Variants in NAAA observed in about 807,000 individuals in gnomAD.
NAAA encodes the protein N-acylethanolamine-hydrolyzing acid amidase.
In NAAA, 39 loss-of-function variants were observed where a neutral mutation model predicts 44.8. The observed-to-expected ratio is 0.87, with a 90% CI of 0.67 to 1.14. The LOEUF is 1.14. NAAA is among the 50% of genes most tolerant of loss of function. The pLI is 0.00. For synonymous variants in NAAA, 178 were observed against 191.3 expected (o/e 0.93, Z 0.58); for missense variants, 460 against 467.8 (o/e 0.98, Z 0.15).
chr4:75,913,638 G>A, downstream of NAAA: 2 of 966,056 alleles, frequency 2.1e-6, no homozygotes, highest in Non-Finnish European at 2.5e-6. Flanking sequence ...GGTAAAGAAA[G>A]CAGGGAGAGC....
intron 3 of NAAA, among the ~76,000 whole-genome samples, chr4:75,932,230 AAAAAT>A (rs1238622066): frequency 1.4e-4 from 21 of 152,354 alleles, no homozygotes; most frequent in East Asian, 3.9e-4. Context: ...ACTCTGTCTC[AAAAAT>A]AAAATAAAAT....
intron 1 of NAAA, 140 bp from the exon 2 acceptor site, chr4:75,940,305 G>T: frequency 1.1e-6 from 1 of 901,936 alleles, no homozygotes; most frequent in Non-Finnish European, 1.6e-6. Flanking sequence ...CCGCCCAGGC[G>T]CGGCGTCACT....
At chr4:75,915,204 T>G (rs1258816442) in intron 9 of NAAA, among the ~76,000 whole-genome samples, 1 of 152,076 alleles carries the variant, frequency 6.6e-6, no homozygotes, top group Non-Finnish European at 1.5e-5. Flanking sequence ...TCAGACTTAA[T>G]TAGCTGGGTG....
At chr4:75,917,228 T>A in intron 9 of NAAA, 2 of 316,566 alleles carry the variant, frequency 6.3e-6, no homozygotes, top group Non-Finnish European at 9.1e-6. Flanking sequence ...AGCTAGCTCC[T>A]ACAGTCTGGT....
At chr4:75,917,778 A>T (rs1380347233) in intron 9 of NAAA, 4 of 116,420 alleles carry the variant, frequency 3.4e-5, no homozygotes, top group Admixed American at 1.4e-4. Flanking sequence ...CTTTCACTTA[A>T]AAAAAAAAAA....
chr4:75,923,962 T>C (rs1177547958), intron 5 of NAAA, among the ~76,000 whole-genome samples: 2 of 152,236 alleles, frequency 1.3e-5, no homozygotes. Context: ...TCATGCCCTA[T>C]GCAAATGGTA....
chr4:75,913,128 G>A (rs1404982503), downstream of NAAA, among the ~76,000 whole-genome samples: 2 of 151,054 alleles, frequency 1.3e-5, no homozygotes, highest in Non-Finnish European at 2.9e-5. Flanking sequence ...TTTATCTTAT[G>A]TAAAATGTAG....
At position 75,936,116 on chromosome 4, in the gene NAAA, T is replaced by C. The variant is rs758407369; in HGVS notation, c.491A>G (p.Asn164Ser). The C allele has an allele frequency of 4.3e-6, 7 of 1,614,090 alleles. No homozygotes were observed. The South Asian group carries it at 6.6e-5, about 15-fold the overall frequency. ...KLTVDVQFLK[N>S]GQIAFTGTTF... Reference sequence around the variant, plus strand: ...ATATGGTACGGATTATACCTGCCCATTCTTTAAGAATTGCACATCCACTGT... The same window carrying C: ...ATATGGTACGGATTATACCTGCCCACTCTTTAAGAATTGCACATCCACTGT... Residue 164 changes from asparagine (N) to serine (S), a missense_variant, in exon 3 of 11, where the codon AAT becomes AGT. Physicochemically the swap from Asn to Ser is conservative, Grantham distance 46. Transcript: ENST00000286733.
intron 4 of NAAA, among the ~76,000 whole-genome samples, chr4:75,929,783 AAAGAT>A (rs1727065109): frequency 6.6e-6 from 1 of 152,134 alleles, no homozygotes; most frequent in African/African-American, 2.4e-5. Context: ...CCTTATGTAA[AAAGAT>A]AAGAATAAAC....
At chr4:75,934,050 T>C (rs1249577943) in intron 3 of NAAA, among the ~76,000 whole-genome samples, 5 of 60,806 alleles carry the variant, frequency 8.2e-5, no homozygotes, top group Admixed American at 7.3e-4. Context: ...ACAATAGTAG[T>C]AGTAATAATA....
At chr4:75,914,446 C>G (rs2149239284) in intron 10 of NAAA, 108 bp from the exon 11 acceptor site, 1 of 388,022 alleles carries the variant, frequency 2.6e-6, no homozygotes, top group African/African-American at 2.2e-5. Context: ...GTGATCTCAG[C>G]TCACTACAAA....
downstream of NAAA, among the ~76,000 whole-genome samples, chr4:75,912,039 T>C (rs1242907543): frequency 3.9e-5 from 6 of 152,226 alleles, no homozygotes; most frequent in Non-Finnish European, 7.3e-5. Context: ...TCAGCCATGC[T>C]AGACTTCTCT....
In NAAA at chr4:75,939,910, T is replaced by C. The variant is rs1010733028; in HGVS notation, c.371+91A>G. On this transcript the variant is annotated intron_variant, in intron 2 of 10. Coordinates refer to ENST00000286733, the MANE Select transcript of NAAA (RefSeq NM_014435.4). ...TAGGCAAGCAGGCACCGCCCTGTTT[T>C]TATCACACGGAAAATATGTCTCCTC... The C allele has an allele frequency of 1.7e-5, 26 of 1,492,820 alleles. No homozygotes were observed. The South Asian group carries it at 2.2e-4, about 12-fold the overall frequency. 92.5% of individuals were successfully genotyped at this position (1,492,820 alleles called of 1,614,324 possible).
chr4:75,925,894 T>C (rs942023383), intron 4 of NAAA, 83 bp from the exon 5 acceptor site: 16 of 1,285,422 alleles, frequency 1.2e-5, no homozygotes, highest in Non-Finnish European at 1.8e-5. Flanking sequence ...AGCAAGGAAA[T>C]ATAGAGAGAT....
chr4:75,940,555 C>A (rs902353001), intron 1 of NAAA, among the ~76,000 whole-genome samples, 189 bp downstream of exon 1: 1 of 152,386 alleles, frequency 6.6e-6, no homozygotes, highest in South Asian at 2.1e-4. Flanking sequence ...TGACACCGAA[C>A]TTGAAAGCCG....
At chr4:75,924,716 ACT>A (rs1341573005) in intron 5 of NAAA, among the ~76,000 whole-genome samples, 1 of 151,998 alleles carries the variant, frequency 6.6e-6, no homozygotes, top group African/African-American at 2.4e-5. Context: ...ATTGTGGAAA[ACT>A]CTAGCCTATG....
intron 4 of NAAA, among the ~76,000 whole-genome samples, chr4:75,928,903 T>G (rs1350439984): frequency 6.6e-6 from 1 of 151,330 alleles, no homozygotes; most frequent in Non-Finnish European, 1.5e-5. Context: ...TTCTCCTGCC[T>G]CAGCCTCACG....
At chr4:75,930,644 A>T (rs542619647) in intron 4 of NAAA, among the ~76,000 whole-genome samples, 1 of 152,310 alleles carries the variant, frequency 6.6e-6, no homozygotes, top group Admixed American at 6.5e-5. Context: ...CAGAGCAGCA[A>T]AAGTAATAGT....
Position 75,914,025 on chromosome 4 carries a change from T to C in NAAA, c.*350A>G. On this transcript the variant is annotated 3_prime_UTR_variant, in exon 11 of 11. Transcript: ENST00000286733. ...TTTCATTAGCGGAGAAGCAAAGGTA[T>C]GATGGCAGAATCATGAGAAGATGGA... The C allele has an allele frequency of 3.0e-6, 3 of 985,402 alleles. No individual in the cohort carries two copies. The highest frequency in any genetic ancestry group is 3.6e-6 in the Non-Finnish European group (3 of 829,934). The allele number at this position is 985,402 out of a possible 1,614,324, so 61.0% of individuals were successfully genotyped here. A position where few individuals can be genotyped will look rare whatever the true frequency, so the allele number is the denominator to read the frequency against.
Sources: gnomAD v4.1 joint callset for allele counts (sites outside exome capture counted in the v4.1 genomes callset) on GRCh38, gnomAD v4.1.1 for gene constraint, MANE v1.5 for transcripts, NCBI Gene and HGNC (gene_info 2026-07-23, HGNC 2026-07-21) for gene names.